PTK2B: variants seen among roughly 807,000 people sequenced by gnomAD.
PTK2B encodes the protein protein tyrosine kinase 2 beta, also known as protein-tyrosine kinase 2-beta.
Under a neutral mutation model 142.9 loss-of-function variants are expected in PTK2B, and 71 were observed. That is an observed-to-expected ratio of 0.50 (90% confidence interval 0.41 to 0.61). The LOEUF (loss-of-function observed/expected upper bound fraction) is 0.61, where lower values mean the gene tolerates loss of function less well. Ranked by LOEUF, PTK2B falls within the 20% of genes least tolerant of loss-of-function variation. The pLI is 0.00. For missense variants in PTK2B, 1,105 were observed against 1,320.4 expected (o/e 0.84, Z 2.53); for synonymous variants, 519 against 503.4 (o/e 1.03, Z -0.42).
intron 10 of PTK2B, 151 bp from the exon 11 acceptor site, chr8:27,433,284 G>T: frequency 1.5e-6 from 1 of 675,612 alleles, no homozygotes; most frequent in East Asian, 2.5e-5. Context: ...GTGCAGTCTG[G>T]ACTCCAGGGC....
chr8:27,449,050 T>C (rs1811648475), intron 24 of PTK2B, among the ~76,000 whole-genome samples: 1 of 152,242 alleles, frequency 6.6e-6, no homozygotes, highest in African/African-American at 2.4e-5. Context: ...TATAGGCATA[T>C]ATTGTGGGGA....
At chr8:27,326,558 A>G (rs551749905) in intron 1 of PTK2B, among the ~76,000 whole-genome samples, 1 of 152,330 alleles carries the variant, frequency 6.6e-6, no homozygotes, top group Admixed American at 6.5e-5. Flanking sequence ...GGCTTTAGCC[A>G]GGAGGAACTC....
At chr8:27,317,349 G>A (rs1382756608) in intron 3 of PTK2B, among the ~76,000 whole-genome samples, 1 of 152,146 alleles carries the variant, frequency 6.6e-6, no homozygotes, top group East Asian at 1.9e-4. Context: ...TAGGGGCTCT[G>A]CTATTTATTA....
intron 1 of PTK2B, among the ~76,000 whole-genome samples, chr8:27,384,376 T>C (rs1228307430): frequency 3.3e-5 from 5 of 152,278 alleles, no homozygotes; most frequent in Admixed American, 3.3e-4. Flanking sequence ...TTTTATATCC[T>C]GCAACTTTAT....
In PTK2B at chr8:27,454,405, C is replaced by T. The variant is rs1240036286; in HGVS notation, c.2733+114C>T. The T allele has an allele frequency of 1.9e-6, 3 of 1,553,180 alleles. No individual in the cohort carries two copies. In the East Asian group the frequency reaches 6.8e-5, roughly 35 times the overall value. Reference sequence around the variant, plus strand: ...CAGATCCTCTTAGAGCAAGCTGGGCCAGGGGAATTGAGTCCCAGGCCACTC... The same window carrying T: ...CAGATCCTCTTAGAGCAAGCTGGGCTAGGGGAATTGAGTCCCAGGCCACTC... On this transcript the variant is annotated intron_variant, in intron 29 of 30. Transcript: ENST00000346049.
At position 27,436,284 on chromosome 8, in the gene PTK2B, T is replaced by G; in HGVS notation, c.1277T>G (p.Val426Gly). 1.2e-6 allele frequency: 2 copies of G among 1,614,198 alleles called. No individual in the cohort carries two copies. Among genetic ancestry groups the G allele is most frequent in the Non-Finnish European group, 1.7e-6 (2 of 1,180,030 alleles). ...TATGGCATTGCCCGTGAAGATGTGG[T>G]CCTGAATCGTATTCTTGGGGAAGGC... ...PQYGIAREDVVLNRILGEGFF... is the reference protein window; with the variant it reads ...PQYGIAREDVGLNRILGEGFF... The change falls in exon 15 of 31, where the codon GTC becomes GGC. Residue 426 changes from valine to glycine, a missense_variant. Physicochemically the swap from Val to Gly is moderately radical, Grantham distance 109 (BLOSUM62 -3). Coordinates refer to ENST00000346049, the MANE Select transcript of PTK2B (RefSeq NM_173176.3).
chr8:27,454,679 G>T, intron 30 of PTK2B, 68 bp downstream of exon 30: 1 of 1,521,532 alleles, frequency 6.6e-7, no homozygotes, highest in Non-Finnish European at 9.1e-7. Context: ...CTCATTAGAG[G>T]CTCATGATGG....
chr8:27,411,365 C>T (rs952300872), intron 2 of PTK2B, among the ~76,000 whole-genome samples: 1 of 152,086 alleles, frequency 6.6e-6, no homozygotes, highest in Non-Finnish European at 1.5e-5. Context: ...TTTCTGTTAC[C>T]CCAATCTGGC....
chr8:27,415,448 T>A (rs950049581), intron 2 of PTK2B, among the ~76,000 whole-genome samples: 34 of 152,268 alleles, frequency 2.2e-4, no homozygotes, highest in African/African-American at 8.0e-4. Flanking sequence ...ATAGCTTGGC[T>A]AGACTAATCT....
At chr8:27,397,488 C>T in intron 1 of PTK2B, 60 bp from the exon 2 acceptor site, 2 of 1,308,258 alleles carry the variant, frequency 1.5e-6, no homozygotes, top group Non-Finnish European at 2.2e-6. Flanking sequence ...TCCCTGGGGC[C>T]ATGAGGTATG....
chr8:27,352,434 G>A (rs1293298217), intron 1 of PTK2B, among the ~76,000 whole-genome samples: 3 of 152,194 alleles, frequency 2.0e-5, no homozygotes, highest in Non-Finnish European at 2.9e-5. Flanking sequence ...ATGCTTGTTG[G>A]AGCAAGACCA....
intron 1 of PTK2B, among the ~76,000 whole-genome samples, chr8:27,385,892 C>CAAAAA (rs71553856): frequency 4.5e-5 from 5 of 109,994 alleles, no homozygotes; most frequent in South Asian, 3.3e-4. Flanking sequence ...GATTCCGTCT[C>CAAAAA]AAAAAAAAAA....
intron 1 of PTK2B, among the ~76,000 whole-genome samples, chr8:27,388,014 T>C (rs888287522): frequency 2.0e-5 from 3 of 152,202 alleles, no homozygotes; most frequent in African/African-American, 7.2e-5. Flanking sequence ...AGCTCCTTCA[T>C]ACCCAATTAA....
rs143450467 is a variant in PTK2B, at chr8:27,360,338, G to A, written c.-38+34657G>A. The stretch of plus-strand genomic sequence containing the variant: ...ATCAGACAGCCCAAGGAATCCATGC[G>A]CGATGCCGGCAAGCGCCGCAGAGAA... On this transcript the variant is annotated intron_variant, in intron 1 of 30. Coordinates refer to ENST00000346049, the MANE Select transcript of PTK2B (RefSeq NM_173176.3). Among the ~76,000 whole-genome samples the A allele has an allele frequency of 3.9e-4, 60 of 152,354 alleles. No homozygotes were observed. The Middle Eastern group carries it at 0.01, about 26-fold the overall frequency.
intron 3 of PTK2B, among the ~76,000 whole-genome samples, chr8:27,318,143 G>A (rs778308928): frequency 3.3e-5 from 5 of 152,158 alleles, no homozygotes; most frequent in Non-Finnish European, 7.3e-5. Flanking sequence ...TCCTGTAAAT[G>A]GCCACAGATG....
chr8:27,359,727 CTCTTTCTTTCTCTCTCCCTA>C (rs1175507614), intron 1 of PTK2B, among the ~76,000 whole-genome samples: 2 of 152,174 alleles, frequency 1.3e-5, no homozygotes, highest in Non-Finnish European at 2.9e-5. Context: ...TTTACCTTCT[CTCTTTCTTTCTCTCTCCCTA>C]TCTTTCTTTC....
rs899455017 is a variant in PTK2B, at chr8:27,458,841, C to T, written c.*332C>T. 7 of 438,632 alleles carry T rather than the reference C, an allele frequency of 1.6e-5. No homozygotes were observed. The highest frequency in any genetic ancestry group is 7.8e-5 in the Admixed American group (2 of 25,522). 27.2% of individuals were successfully genotyped at this position (438,632 alleles called of 1,614,324 possible). A position where few individuals can be genotyped will look rare whatever the true frequency, so the allele number is the denominator to read the frequency against. On this transcript the variant is annotated 3_prime_UTR_variant, in exon 31 of 31. Coordinates refer to ENST00000346049, the MANE Select transcript of PTK2B (RefSeq NM_173176.3). ...GGGAGGTGTCACATGGTGCCCCTAG[C>T]TTTATATATGGACATGGCAGGCCGA... is the stretch of plus-strand genomic sequence containing the variant.
Position 27,459,152 on chromosome 8 carries a change from G to C in PTK2B, c.*643G>C, listed in dbSNP as rs1812339541. On this transcript the variant is annotated 3_prime_UTR_variant, in exon 31 of 31. Coordinates refer to ENST00000346049, the MANE Select transcript of PTK2B (RefSeq NM_173176.3). ...TTGTCAACAAACCAAGCATCAGGGG[G>C]AAGAAGCAGAGAGATGCGGCCAAGA... 8.4e-6 allele frequency: 2 copies of C among 237,156 alleles called. No homozygotes were observed. The highest frequency in any genetic ancestry group is 2.2e-5 in the African/African-American group (1 of 45,320). 14.7% of individuals were successfully genotyped at this position (237,156 alleles called of 1,614,324 possible).
chr8:27,406,655 T>C (rs774960160), intron 2 of PTK2B, among the ~76,000 whole-genome samples: 2 of 152,108 alleles, frequency 1.3e-5, no homozygotes, highest in Admixed American at 6.5e-5. Context: ...CTCACGATGA[T>C]TGGGGCTGGG....
Sources: allele counts gnomAD v4.1 joint callset (sites outside exome capture counted in the v4.1 genomes callset), GRCh38; gene constraint gnomAD v4.1.1; transcripts MANE v1.5; gene names NCBI Gene and HGNC (gene_info 2026-07-23, HGNC 2026-07-21).